Variants in PTCH2 observed in about 807,000 individuals in gnomAD.
The protein encoded by PTCH2 is patched 2.
Under a neutral mutation model 117.9 loss-of-function variants are expected in PTCH2, and 96 were observed. That is an observed-to-expected ratio of 0.81 (90% CI 0.69 to 0.96). The LOEUF (loss-of-function observed/expected upper bound fraction) is 0.96. Among genes scored for constraint, PTCH2 ranks in the 50% least tolerant of loss-of-function variants. The probability of loss-of-function intolerance (pLI) is 0.00; values close to 1 mark genes in which losing one functional copy is unlikely to be tolerated. For synonymous variants in PTCH2, 615 were observed against 660.9 expected, an observed-to-expected ratio of 0.93 and a Z score of 1.06; for missense variants, 1,379 against 1,562.5, an observed-to-expected ratio of 0.88 and a Z score of 1.98.
rs139931596 is a variant in PTCH2 at position 44,828,577 on chromosome 1, T to C, written c.1519A>G (p.Ile507Val). 1.1e-4 allele frequency: 175 copies of C among 1,613,836 alleles called. No individual in the cohort carries two copies. Among genetic ancestry groups the C allele is most frequent in the Non-Finnish European group, 1.4e-4 (161 of 1,179,938 alleles). The change falls in exon 12 of 22, where the codon ATC becomes GTC. Residue 507 changes from isoleucine (I) to valine (V), a missense_variant. Ile to Val is a conservative substitution (Grantham distance 29). Coordinates refer to ENST00000372192, the MANE Select transcript of PTCH2 (RefSeq NM_003738.5). ...RTGTSVVLTS[I>V]NNMAAFLMAA... ...ATGAGGAAGGCGGCCATGTTGTTGA[T>C]GGATGTGAGTACGACACTGGTGCCC...
chr1:44,822,261 T>A lies in PTCH2; in HGVS notation c.*154A>T. On this transcript the variant is annotated 3_prime_UTR_variant, in exon 22 of 22. Coordinates refer to ENST00000372192, the MANE Select transcript of PTCH2 (RefSeq NM_003738.5). ...TGTGCAAATCGGTGGCTGTTCTGTA[T>A]GGATATCAGGGAGGCCCATGACAGC... 6.4e-7 allele frequency: 1 copy of A among 1,556,042 alleles called. No individual in the cohort carries two copies. Among genetic ancestry groups the A allele is most frequent in the Admixed American group, 1.8e-5 (1 of 55,704 alleles).
intron 10 of PTCH2, 38 bp downstream of exon 10, chr1:44,829,119 G>T: frequency 6.2e-7 from 1 of 1,613,828 alleles, no homozygotes; most frequent in Non-Finnish European, 8.5e-7. Context: ...GTGAAGCCTG[G>T]TGACTGGCAC....
chr1:44,839,100 G>A (rs925806845), intron 2 of PTCH2, among the ~76,000 whole-genome samples: 1 of 151,978 alleles, frequency 6.6e-6, no homozygotes, highest in African/African-American at 2.4e-5. Context: ...GATTGGCCTA[G>A]CGTCTGGCTC....
In PTCH2 at chr1:44,826,979, G is replaced by A. The variant is rs1304924000; in HGVS notation, c.2618C>T (p.Ala873Val). 14 of 1,613,954 alleles carry A rather than the reference G, an allele frequency of 8.7e-6. No individual in the cohort carries two copies. The highest frequency in any genetic ancestry group is 1.2e-5 in the Non-Finnish European group (14 of 1,180,040). The change falls in exon 17 of 22, where the codon GCC becomes GTC. Residue 873 changes from alanine to valine, a missense_variant. Coordinates refer to ENST00000372192, the MANE Select transcript of PTCH2 (RefSeq NM_003738.5). This position sits in a 1 kb window ranked among gnomAD's most constrained non-coding sequence, Gnocchi z 5.1. ...WVSSDPLGLA[A>V]SQANFYPPPP... ...TGGGGGGTAGAAGTTGGCCTGTGAG[G>A]CTGCCAGACCCAGGGGGTCACTGCT...
chr1:44,839,781 C>G (rs551336344), intron 2 of PTCH2, among the ~76,000 whole-genome samples: 62 of 152,168 alleles, frequency 4.1e-4, no homozygotes, highest in Middle Eastern at 6.8e-3. Flanking sequence ...GACATCTGCT[C>G]TGGACCCCAG....
rs1454959643 is a variant in PTCH2, at chr1:44,831,217, G to A, written c.618-174C>T. On this transcript the variant is annotated intron_variant, in intron 5 of 21. Coordinates refer to ENST00000372192, the MANE Select transcript of PTCH2 (RefSeq NM_003738.5). The surrounding 1 kb of genome is among the most constrained non-coding windows in gnomAD (Gnocchi z 4.3). ...CTGCCAGGCTGCATGGGCCCACCAG[G>A]GTGCTACAGTGAGCTGTAGAAGAGT... Among the ~76,000 whole-genome samples, 2 of 152,194 alleles carry A rather than the reference G, an allele frequency of 1.3e-5. No homozygotes were observed. The highest frequency in any genetic ancestry group is 4.8e-5 in the African/African-American group (2 of 41,442).
Position 44,827,394 on chromosome 1 carries a change from C to T in PTCH2, c.2371+8G>A. 1 of 1,613,932 alleles carries T rather than the reference C, an allele frequency of 6.2e-7. No individual in the cohort carries two copies. Among genetic ancestry groups the T allele is most frequent in the Non-Finnish European group, 8.5e-7 (1 of 1,179,982 alleles). On this transcript the variant is annotated splice_region_variant and intron_variant, in intron 15 of 21. Transcript: ENST00000372192. ...GCACCCCTCCCTGCCCGTCTCCTCG[C>T]CTCTCACCCTGTAGCCAGTTGCGGT...
At position 44,830,121 on chromosome 1, in the gene PTCH2, A is replaced by G. The variant is rs111524475; in HGVS notation, c.814-91T>C. 10 of 1,545,230 alleles carry G rather than the reference A, an allele frequency of 6.5e-6. No homozygotes were observed. In the East Asian group the frequency reaches 1.1e-4, roughly 17 times the overall value. ...TTCCACCTCCAGGAACCACGCTGCC[A>G]TGAAGCTCAGTAGGGCTGGAGTGTA... On this transcript the variant is annotated intron_variant, in intron 6 of 21. Coordinates refer to ENST00000372192, the MANE Select transcript of PTCH2 (RefSeq NM_003738.5).
chr1:44,826,826 A>AG lies in PTCH2; in HGVS notation c.2696-59dup. The AG allele has an allele frequency of 6.2e-7, 1 of 1,610,300 alleles. No homozygotes were observed. The highest frequency in any genetic ancestry group is 8.5e-7 in the Non-Finnish European group (1 of 1,177,260). On this transcript the variant is annotated intron_variant, in intron 17 of 21. Coordinates refer to ENST00000372192, the MANE Select transcript of PTCH2 (RefSeq NM_003738.5). The surrounding 1 kb of genome is among the most constrained non-coding windows in gnomAD (Gnocchi z 5.1). Reference sequence around the variant, plus strand: ...AGGGACAGGGCGGTGAGCACGGGGCAGAGTGGGCAGGGCCTCAGGCTCAGG... The same window carrying AG: ...AGGGACAGGGCGGTGAGCACGGGGCAGGAGTGGGCAGGGCCTCAGGCTCAGG...
rs1573656376 is a variant in PTCH2 at position 44,835,015 on chromosome 1, CAG to C, written c.266-2676_266-2675del. Among the ~76,000 whole-genome samples the C allele has an allele frequency of 3.3e-5, 5 of 152,178 alleles. No individual in the cohort carries two copies. The East Asian group carries it at 5.8e-4, about 18-fold the overall frequency. On this transcript the variant is annotated intron_variant, in intron 2 of 21. Coordinates refer to ENST00000372192, the MANE Select transcript of PTCH2 (RefSeq NM_003738.5). Reference sequence around the variant, plus strand: ...GAACTGAAGGAAAGACTGCAGGTGACAGGGGAGGAAATAGGACAGAGGAGGGA... The same window carrying C: ...GAACTGAAGGAAAGACTGCAGGTGACGGGAGGAAATAGGACAGAGGAGGGA...
At chr1:44,825,910 C>T (rs1018426724) in intron 19 of PTCH2, among the ~76,000 whole-genome samples, 1 of 144,832 alleles carries the variant, frequency 6.9e-6, no homozygotes, top group Non-Finnish European at 1.5e-5. Flanking sequence ...TGCAATGGCA[C>T]GATCTCAGCT....
rs760133185 is a variant in PTCH2 at position 44,830,965 on chromosome 1, C to T, written c.696G>A (p.Glu232=). 6.2e-7 allele frequency: 1 copy of T among 1,612,402 alleles called. No individual in the cohort carries two copies. The highest frequency in any genetic ancestry group is 1.1e-5 in the South Asian group (1 of 91,006). Residue 232 remains glutamate, a synonymous_variant, in exon 6 of 22, where the codon GAG becomes GAA. Transcript: ENST00000372192. ...LEELGPFASL[E]GFRELLDKAQ... ...CCTTGTCTAGCAGCTCCCGGAAGCC[C>T]TCAAGGGAGGCAAAGGGACCCAGCT...
At chr1:44,838,778 G>A (rs946788561) in intron 2 of PTCH2, among the ~76,000 whole-genome samples, 2 of 149,758 alleles carry the variant, frequency 1.3e-5, no homozygotes, top group African/African-American at 4.9e-5. Flanking sequence ...AGAGTGCAGT[G>A]GCACGATCTT....
chr1:44,828,340 C>T lies in PTCH2; in HGVS notation c.1665G>A (p.Arg555=), dbSNP rs766912223. The T allele has an allele frequency of 1.9e-6, 3 of 1,614,100 alleles. No individual in the cohort carries two copies. In the South Asian group the frequency reaches 3.3e-5, roughly 18 times the overall value. ...CATCAAGGCGCTGGCAGTGGCGCCG[C>T]CGTAGGTCCAGGCTGAGGATGGCTG... ...VFPAILSLDL[R]RRHCQRLDVL... The change falls in exon 13 of 22, where the codon CGG becomes CGA. Residue 555 remains arginine (R), a synonymous_variant. Coordinates refer to ENST00000372192, the MANE Select transcript of PTCH2 (RefSeq NM_003738.5).
rs1654030104 is a variant in PTCH2 at position 44,843,227 on chromosome 1, C to T, written c.-295G>A. The T allele has an allele frequency of 1.1e-5, 11 of 985,398 alleles. No homozygotes were observed. Among genetic ancestry groups the T allele is most frequent in the Non-Finnish European group, 1.3e-5 (11 of 829,914 alleles). The allele number at this position is 985,398 out of a possible 1,614,324, so 61.0% of individuals were successfully genotyped here. On this transcript the variant is annotated 5_prime_UTR_variant, in exon 1 of 22. Coordinates refer to ENST00000372192, the MANE Select transcript of PTCH2 (RefSeq NM_003738.5). Reference sequence around the variant, plus strand: ...CAGGCGGAATTGCTGGCCCGAGACGCACAGCAGGGCTCGAGGTGGCAACTG... The same window carrying T: ...CAGGCGGAATTGCTGGCCCGAGACGTACAGCAGGGCTCGAGGTGGCAACTG...
chr1:44,821,229 A>G (rs1175305210), downstream of PTCH2, among the ~76,000 whole-genome samples: 1 of 152,098 alleles, frequency 6.6e-6, no homozygotes, highest in African/African-American at 2.4e-5. Context: ...GCTCTATTCC[A>G]GGGCTGTGGC....
chr1:44,822,316 A>C lies in PTCH2; in HGVS notation c.*99T>G. On this transcript the variant is annotated 3_prime_UTR_variant, in exon 22 of 22. Coordinates refer to ENST00000372192, the MANE Select transcript of PTCH2 (RefSeq NM_003738.5). ...TCGGGAGAGGGGATGCAGCAGCAGC[A>C]GGGCCCTCCAGGGGTCCATCCTGCG... 1 of 1,599,718 alleles carries C rather than the reference A, an allele frequency of 6.3e-7. No homozygotes were observed. Among genetic ancestry groups the C allele is most frequent in the South Asian group, 1.1e-5 (1 of 90,670 alleles).
Position 44,828,492 on chromosome 1 carries a change from G to A in PTCH2, c.1590+14C>T. On this transcript the variant is annotated intron_variant, in intron 12 of 21. Transcript: ENST00000372192. ...CCACACCCACCCTGAGCTGCCCCGTGTGAGAGGCCTCACCTGTAGGGAGAA... is the reference window on the plus strand; with the variant it reads ...CCACACCCACCCTGAGCTGCCCCGTATGAGAGGCCTCACCTGTAGGGAGAA... 6.2e-7 allele frequency: 1 copy of A among 1,614,180 alleles called. No homozygotes were observed. Among genetic ancestry groups the A allele is most frequent in the Non-Finnish European group, 8.5e-7 (1 of 1,180,026 alleles).
chr1:44,842,900 G>C lies in PTCH2; in HGVS notation c.33C>G (p.Pro11=), dbSNP rs763662470. The change falls in exon 1 of 22, where the codon CCC becomes CCG. Residue 11 remains proline, a synonymous_variant. Coordinates refer to ENST00000372192, the MANE Select transcript of PTCH2 (RefSeq NM_003738.5). ...TTCGAGCTGGGGGTGTGTAACTCGG[G>C]GGCAGCTCTCTGAGGGGCGGCGATC... MTRSPPLREL[P]PSYTPPARTA... The C allele has an allele frequency of 8.4e-6, 13 of 1,550,350 alleles. No individual in the cohort carries two copies. The highest frequency in any genetic ancestry group is 1.1e-5 in the Non-Finnish European group (13 of 1,146,396).
Sources: gnomAD v4.1 joint callset for allele counts (sites outside exome capture counted in the v4.1 genomes callset) on GRCh38, gnomAD v4.1.1 for gene constraint, Gnocchi (gnomAD v3.1) non-coding constraint, MANE v1.5 for transcripts, NCBI Gene and HGNC (gene_info 2026-07-23, HGNC 2026-07-21) for gene names.